Variants in PACS1 observed in about 807,000 individuals in gnomAD.
PACS1 encodes the protein PACS-1.
A neutral mutation model predicts 115.0 loss-of-function variants in PACS1; 24 were observed. That is an observed-to-expected ratio of 0.21 (90% CI 0.15 to 0.29). The LOEUF is 0.29. Among genes scored for constraint, PACS1 ranks in the 10% least tolerant of loss-of-function variants. The pLI is 1.00. For missense variants in PACS1, 838 were observed against 1,251.2 expected, an observed-to-expected ratio of 0.67 and a Z score of 4.98; for synonymous variants, 453 against 504.5, an observed-to-expected ratio of 0.90 and a Z score of 1.37.
chr11:66,216,840 G>A (rs1855223510), intron 7 of PACS1, 65 bp downstream of exon 7: 1 of 1,060,342 alleles, frequency 9.4e-7, no homozygotes, highest in Non-Finnish European at 1.4e-6. Context: ...GTTGGCAGCA[G>A]CATATTCAGG....
chr11:66,154,200 T>G (rs1303476864), intron 1 of PACS1, among the ~76,000 whole-genome samples: 3 of 151,980 alleles, frequency 2.0e-5, no homozygotes, highest in Admixed American at 6.6e-5. Context: ...GCTTTGGGAG[T>G]CCAAGGCAAG....
chr11:66,149,917 T>C (rs1859200000), intron 1 of PACS1, among the ~76,000 whole-genome samples: 1 of 151,988 alleles, frequency 6.6e-6, no homozygotes, highest in Admixed American at 6.6e-5. Context: ...ACCTGGCTAA[T>C]TTTGTATTTT....
chr11:66,230,705 T>TG, intron 12 of PACS1, 42 bp downstream of exon 12: 1 of 1,609,946 alleles, frequency 6.2e-7, no homozygotes, highest in South Asian at 1.1e-5. Context: ...AGCCTGCAGC[T>TG]GTGCTTAGCA....
At chr11:66,173,436 A>G (rs1168539778) in intron 1 of PACS1, among the ~76,000 whole-genome samples, 4 of 152,162 alleles carry the variant, frequency 2.6e-5, no homozygotes, top group African/African-American at 9.7e-5. Flanking sequence ...AGCCGGGCGC[A>G]GTGGCTCACG....
rs1041326991 is a variant in PACS1, at chr11:66,233,589, C to T, written c.1839-196C>T. ...TTCCGTCTGCTTCATGGGCAATGCC[C>T]TCTGACCCTGGATTTTTCTCTTGGT... On this transcript the variant is annotated intron_variant, in intron 15 of 23. Transcript: ENST00000320580. This position sits in a 1 kb window ranked among gnomAD's most constrained non-coding sequence, Gnocchi z 4.5. 6.6e-6 allele frequency among the ~76,000 whole-genome samples: 1 copy of T among 152,250 alleles called. No individual in the cohort carries two copies. Among genetic ancestry groups the T allele is most frequent in the Non-Finnish European group, 1.5e-5 (1 of 68,044 alleles).
At chr11:66,071,045 G>A (rs952737210) in intron 1 of PACS1, among the ~76,000 whole-genome samples, 1 of 152,086 alleles carries the variant, frequency 6.6e-6, no homozygotes, top group Non-Finnish European at 1.5e-5. Context: ...GCCTGGGGCC[G>A]GGACCACCCT....
chr11:66,072,521 T>C (rs976187154), intron 1 of PACS1, among the ~76,000 whole-genome samples: 38 of 152,080 alleles, frequency 2.5e-4, no homozygotes, highest in African/African-American at 8.9e-4. Context: ...GATTTACACA[T>C]TGTTTTTTTT....
In PACS1 at chr11:66,123,582, C is replaced by T. The variant is rs370838751; in HGVS notation, c.356+52740C>T. 3.0e-4 allele frequency among the ~76,000 whole-genome samples: 45 copies of T among 151,906 alleles called. No homozygotes were observed. In the South Asian group the frequency reaches 6.9e-3, roughly 23 times the overall value. On this transcript the variant is annotated intron_variant, in intron 1 of 23. Coordinates refer to ENST00000320580, the MANE Select transcript of PACS1 (RefSeq NM_018026.4). Reference sequence around the variant, plus strand: ...TGTCGCCCAGGCTAGAGTGCTGTGGCGTGATCTCGGCTCACTGCAAGCTCC... The same window carrying T: ...TGTCGCCCAGGCTAGAGTGCTGTGGTGTGATCTCGGCTCACTGCAAGCTCC...
At chr11:66,088,441 G>C (rs553643354) in intron 1 of PACS1, among the ~76,000 whole-genome samples, 1 of 152,170 alleles carries the variant, frequency 6.6e-6, no homozygotes, top group Non-Finnish European at 1.5e-5. Context: ...TGTGATGTGA[G>C]GTATGGATTA....
intron 1 of PACS1, chr11:66,121,151 A>T (rs935804992): frequency 4.5e-6 from 2 of 441,670 alleles, no homozygotes; most frequent in African/African-American, 2.0e-5. Flanking sequence ...TGCAGTATTT[A>T]AAATTTTTTT....
At chr11:66,156,524 C>T (rs542796764) in intron 1 of PACS1, among the ~76,000 whole-genome samples, 27 of 151,720 alleles carry the variant, frequency 1.8e-4, no homozygotes, top group Non-Finnish European at 3.2e-4. Flanking sequence ...GGATTGCAGG[C>T]GTGAGCCACT....
chr11:66,167,909 A>G (rs1443102705), intron 1 of PACS1, among the ~76,000 whole-genome samples: 1 of 150,288 alleles, frequency 6.7e-6, no homozygotes, highest in African/African-American at 2.5e-5. Flanking sequence ...CAGTAAATCT[A>G]GATACCTGAT....
intron 1 of PACS1, among the ~76,000 whole-genome samples, chr11:66,100,232 A>G (rs1272771243): frequency 6.6e-6 from 1 of 152,108 alleles, no homozygotes; most frequent in Admixed American, 6.5e-5. Context: ...CTTAAATTCC[A>G]ATGTAACATT....
In PACS1 at chr11:66,241,617, G is replaced by A. The variant is rs1204955333; in HGVS notation, c.2620G>A (p.Ala874Thr). The A allele has an allele frequency of 1.2e-6, 2 of 1,614,010 alleles. No individual in the cohort carries two copies. Among genetic ancestry groups the A allele is most frequent in the Non-Finnish European group, 1.7e-6 (2 of 1,179,964 alleles). The change falls in exon 22 of 24, where the codon GCC (alanine) becomes ACC (threonine). Residue 874 changes from alanine to threonine, a missense_variant. Ala to Thr is a moderately conservative substitution (Grantham distance 58, BLOSUM62 0). This residue lies in a region of PACS1 where 84 missense variants were observed against 187.1 expected (regional missense o/e 0.45). Coordinates refer to ENST00000320580, the MANE Select transcript of PACS1 (RefSeq NM_018026.4). ...SGEAQLSGTMAMTVVTKEKNK... is the reference protein window; with the variant it reads ...SGEAQLSGTMTMTVVTKEKNK... ...GGAGGCCCAGCTTTCTGGCACCATG[G>A]CCATGACTGTGGTCACCAAAGAAAA...
intron 1 of PACS1, among the ~76,000 whole-genome samples, chr11:66,097,140 A>G (rs1857804283): frequency 1.3e-5 from 2 of 152,208 alleles, no homozygotes; most frequent in African/African-American, 4.8e-5. Context: ...TGAGGCAGAC[A>G]GATTCTGAAG....
chr11:66,228,497 G>C lies in PACS1; in HGVS notation c.1374+913G>C, dbSNP rs1300452721. On this transcript the variant is annotated intron_variant, in intron 11 of 23. Coordinates refer to ENST00000320580, the MANE Select transcript of PACS1 (RefSeq NM_018026.4). ...TAATCTGAATAATCCTACTTCCACC[G>C]TGGCCCCACTGTAGTCCGTACTGCA... 3.9e-5 allele frequency among the ~76,000 whole-genome samples: 6 copies of C among 152,132 alleles called. 1 individual carries two copies. The highest frequency in any genetic ancestry group is 3.9e-4 in the Admixed American group (6 of 15,284).
chr11:66,220,261 G>A (rs977097266), intron 8 of PACS1: 24 of 298,082 alleles, frequency 8.1e-5, no homozygotes, highest in Non-Finnish European at 1.5e-4. Context: ...CGTTTCCACA[G>A]GCCTCTCAGT....
intron 1 of PACS1, among the ~76,000 whole-genome samples, chr11:66,078,127 A>G (rs980184542): frequency 3.3e-5 from 5 of 152,060 alleles, no homozygotes; most frequent in Non-Finnish European, 5.9e-5. Flanking sequence ...ATCTGTGTCC[A>G]CTCTCAGATC....
At chr11:66,071,941 A>G (rs1275869434) in intron 1 of PACS1, among the ~76,000 whole-genome samples, 1 of 152,194 alleles carries the variant, frequency 6.6e-6, no homozygotes, top group Non-Finnish European at 1.5e-5. Flanking sequence ...CGCTCAGCTT[A>G]AGGAACAGAG....
Sources: gnomAD v4.1 joint callset for allele counts (sites outside exome capture counted in the v4.1 genomes callset) on GRCh38, gnomAD v4.1.1 for gene constraint, gnomAD v4.1.1 regional missense constraint, Gnocchi (gnomAD v3.1) non-coding constraint, MANE v1.5 for transcripts, NCBI Gene and HGNC (gene_info 2026-07-23, HGNC 2026-07-21) for gene names.